The following NAALADL2 variants were observed in gnomAD, a reference collection of about 807,000 sequenced individuals.
NAALADL2 encodes inactive N-acetylated-alpha-linked acidic dipeptidase-like protein 2.
A neutral mutation model predicts 87.2 loss-of-function variants in NAALADL2; 76 were observed. That is an observed-to-expected ratio of 0.87 (90% confidence interval 0.72 to 1.05). The LOEUF (loss-of-function observed/expected upper bound fraction) is 1.05. Among genes scored for constraint, NAALADL2 ranks in the 50% least tolerant of loss-of-function variants. The pLI, the probability that NAALADL2 is intolerant of heterozygous loss-of-function variation, is 0.00. For synonymous variants in NAALADL2, 354 were observed against 331.0 expected (o/e 1.07, Z -0.75); for missense variants, 1,089 against 945.8 (o/e 1.15, Z -1.99).
chr3:174,696,767 T>C, intron 2 of NAALADL2, among the ~76,000 whole-genome samples: 1 of 152,166 alleles, frequency 6.6e-6, no homozygotes, highest in South Asian at 2.1e-4. Context: ...GAAATATAAA[T>C]ATATCTGAGA....
chr3:175,142,725 A>G (rs1477954853), intron 2 of NAALADL2, among the ~76,000 whole-genome samples: 1 of 151,980 alleles, frequency 6.6e-6, no homozygotes, highest in Non-Finnish European at 1.5e-5. Flanking sequence ...AATTGGTTCT[A>G]TGCCTGAGTC....
At chr3:175,083,478 A>G (rs955986184) in intron 1 of NAALADL2, among the ~76,000 whole-genome samples, 3 of 152,322 alleles carry the variant, frequency 2.0e-5, no homozygotes, top group East Asian at 3.9e-4. Context: ...TAAACCACAC[A>G]TTTATAAAAT....
At chr3:174,711,568 A>T (rs895101604) in intron 2 of NAALADL2, among the ~76,000 whole-genome samples, 1 of 152,116 alleles carries the variant, frequency 6.6e-6, no homozygotes, top group Admixed American at 6.5e-5. Flanking sequence ...TAAACTTCCA[A>T]AGTGTGTTCA....
At chr3:175,051,918 C>T (rs147066607) in intron 1 of NAALADL2, among the ~76,000 whole-genome samples, 180 of 152,248 alleles carry the variant, frequency 1.2e-3, no homozygotes, top group Middle Eastern at 6.8e-3. Context: ...GAGACCAGCT[C>T]GGCTGGGGAG....
intron 10 of NAALADL2, among the ~76,000 whole-genome samples, chr3:175,585,247 T>G: frequency 6.6e-6 from 1 of 152,236 alleles, no homozygotes; most frequent in African/African-American, 2.4e-5. Context: ...CAAGACCTCA[T>G]TAGGCAACAG....
At chr3:175,146,076 T>A (rs992577624) in intron 2 of NAALADL2, among the ~76,000 whole-genome samples, 4 of 152,144 alleles carry the variant, frequency 2.6e-5, no homozygotes, top group African/African-American at 9.6e-5. Context: ...TGGTAATAAG[T>A]AAGATTCGTG....
At chr3:175,256,267 G>C in intron 3 of NAALADL2, 144 bp from the exon 4 acceptor site, 1 of 645,378 alleles carries the variant, frequency 1.5e-6, no homozygotes, top group Non-Finnish European at 2.4e-6. Flanking sequence ...CATGTTTATG[G>C]TAATTGGGAC....
At chr3:175,589,894 A>G (rs1308966987) in intron 10 of NAALADL2, among the ~76,000 whole-genome samples, 1 of 151,986 alleles carries the variant, frequency 6.6e-6, no homozygotes, top group African/African-American at 2.4e-5. Flanking sequence ...CAGCTTGCCA[A>G]AAATGTGCCT....
chr3:174,901,360 T>C (rs1013939748), intron 1 of NAALADL2, among the ~76,000 whole-genome samples: 1 of 152,130 alleles, frequency 6.6e-6, no homozygotes, highest in African/African-American at 2.4e-5. Context: ...CCTGTCTCTA[T>C]GGGCAATGGA....
intron 1 of NAALADL2, among the ~76,000 whole-genome samples, chr3:175,029,282 CT>C (rs1752552219): frequency 6.6e-6 from 1 of 152,016 alleles, no homozygotes; most frequent in Non-Finnish European, 1.5e-5. Flanking sequence ...TGCCCAACTG[CT>C]TCCCTTACGT....
chr3:175,184,731 A>G (rs1041695120), intron 2 of NAALADL2, among the ~76,000 whole-genome samples: 31 of 152,198 alleles, frequency 2.0e-4, no homozygotes, highest in African/African-American at 7.2e-4. Context: ...AGCATTACTA[A>G]TTTAGTTTGA....
chr3:175,216,543 G>C (rs1688290929), intron 2 of NAALADL2, among the ~76,000 whole-genome samples: 1 of 152,050 alleles, frequency 6.6e-6, no homozygotes, highest in Admixed American at 6.6e-5. Flanking sequence ...TGAATGGTAA[G>C]TGTTAGACTA....
At chr3:175,018,685 G>A (rs981314099) in intron 1 of NAALADL2, among the ~76,000 whole-genome samples, 52 of 151,988 alleles carry the variant, frequency 3.4e-4, no homozygotes, top group African/African-American at 1.1e-3. Flanking sequence ...GGCATTCAAC[G>A]TATTAAAAGT....
intron 1 of NAALADL2, among the ~76,000 whole-genome samples, chr3:175,060,519 T>C (rs1166245521): frequency 6.6e-6 from 1 of 152,216 alleles, no homozygotes; most frequent in Non-Finnish European, 1.5e-5. Flanking sequence ...GGATAGTTCT[T>C]TAAAATTAAT....
chr3:175,225,140 G>T (rs979696748), intron 2 of NAALADL2, among the ~76,000 whole-genome samples: 1 of 151,956 alleles, frequency 6.6e-6, no homozygotes. Flanking sequence ...TATTGTTCTG[G>T]CATAATCTTA....
At chr3:174,889,871 C>G (rs1334650479) in intron 1 of NAALADL2, among the ~76,000 whole-genome samples, 2 of 152,154 alleles carry the variant, frequency 1.3e-5, no homozygotes, top group Non-Finnish European at 2.9e-5. Flanking sequence ...GCTAAAGCAA[C>G]TGTGAAATAA....
intron 9 of NAALADL2, among the ~76,000 whole-genome samples, chr3:175,571,414 C>T (rs951483718): frequency 1.3e-5 from 2 of 152,152 alleles, no homozygotes; most frequent in Admixed American, 1.3e-4. Context: ...TGAATTTACT[C>T]AGCCTTGTAA....
At chr3:175,247,070 T>A (rs1748127613) in intron 3 of NAALADL2, among the ~76,000 whole-genome samples, 1 of 152,178 alleles carries the variant, frequency 6.6e-6, no homozygotes, top group Admixed American at 6.5e-5. Flanking sequence ...TAGGTTTCTT[T>A]TAGACACAAT....
chr3:174,550,775 T>C (rs1367048022), intron 2 of NAALADL2: 1 of 151,976 alleles, frequency 6.6e-6, no homozygotes, highest in Non-Finnish European at 1.5e-5. Context: ...GAAAGGAAAG[T>C]TTATTGAGTT....
Sources: allele counts gnomAD v4.1 joint callset (sites outside exome capture counted in the v4.1 genomes callset), GRCh38; gene constraint gnomAD v4.1.1; transcripts MANE v1.5; gene names NCBI Gene and HGNC (gene_info 2026-07-23, HGNC 2026-07-21).